Variants in NEO1 observed in about 807,000 individuals in gnomAD.
NEO1 encodes neogenin.
A neutral mutation model predicts 159.7 loss-of-function variants in NEO1; 63 were observed. The ratio of observed to expected loss-of-function variants is 0.39; its 90% CI spans 0.32 to 0.49. NEO1 has a LOEUF of 0.49. Among genes scored for constraint, NEO1 ranks in the 20% least tolerant of loss-of-function variants. The pLI is 0.85. For synonymous variants in NEO1, 633 were observed against 662.0 expected (o/e 0.96, Z 0.67); for missense variants, 1,615 against 1,831.0 (o/e 0.88, Z 2.15).
At chr15:73,154,843 A>C (rs1027437484) in intron 5 of NEO1, among the ~76,000 whole-genome samples, 2 of 152,194 alleles carry the variant, frequency 1.3e-5, no homozygotes, top group African/African-American at 4.8e-5. Context: ...ATTTACGTTC[A>C]GCATTAACAT....
chr15:73,081,493 A>G (rs904192090), intron 1 of NEO1, among the ~76,000 whole-genome samples: 1 of 152,250 alleles, frequency 6.6e-6, no homozygotes, highest in Non-Finnish European at 1.5e-5. Context: ...TAATTGGACT[A>G]ACTTATCAGG....
At chr15:73,101,698 C>T (rs960505374) in intron 1 of NEO1, among the ~76,000 whole-genome samples, 8 of 152,130 alleles carry the variant, frequency 5.3e-5, no homozygotes, top group East Asian at 1.9e-4. Context: ...ATTGTCTCAT[C>T]GATTTTGTCC....
chr15:73,060,557 C>T lies in NEO1; in HGVS notation c.130+7752C>T, dbSNP rs1359119302. 9.2e-5 allele frequency among the ~76,000 whole-genome samples: 14 copies of T among 152,180 alleles called. No homozygotes were observed. The East Asian group carries it at 9.7e-4, about 11-fold the overall frequency. ...TGTTGGGATTACAGACGTGAGCCAC[C>T]GCTGCACCCAGGCAACTAGTTGTTT... On this transcript the variant is annotated intron_variant, in intron 1 of 28. Coordinates refer to ENST00000261908, the MANE Select transcript of NEO1 (RefSeq NM_002499.4).
intron 7 of NEO1, among the ~76,000 whole-genome samples, chr15:73,233,721 A>G (rs948519957): frequency 5.9e-5 from 9 of 152,112 alleles, no homozygotes; most frequent in Admixed American, 3.3e-4. Flanking sequence ...TGATTCTGTT[A>G]TCACTCATTA....
chr15:73,104,907 A>G (rs1370528134), intron 1 of NEO1, among the ~76,000 whole-genome samples: 1 of 152,128 alleles, frequency 6.6e-6, no homozygotes, highest in Non-Finnish European at 1.5e-5. Flanking sequence ...AGCAAGGGGA[A>G]ATGCGCCCCA....
chr15:73,275,526 G>A (rs1356733560), intron 21 of NEO1, among the ~76,000 whole-genome samples: 2 of 151,890 alleles, frequency 1.3e-5, no homozygotes, highest in African/African-American at 4.8e-5. Context: ...ATGGTGGTGC[G>A]CACCTATAAT....
At chr15:73,090,117 T>C (rs2069600114) in intron 1 of NEO1, among the ~76,000 whole-genome samples, 1 of 152,220 alleles carries the variant, frequency 6.6e-6, no homozygotes, top group South Asian at 2.1e-4. Context: ...TAGGAATTGA[T>C]ATAGAAATAT....
At chr15:73,223,517 C>T (rs2038406016) in intron 7 of NEO1, among the ~76,000 whole-genome samples, 1 of 152,152 alleles carries the variant, frequency 6.6e-6, no homozygotes, top group Non-Finnish European at 1.5e-5. Flanking sequence ...TAGACAAGGC[C>T]TTTTACCATT....
intron 15 of NEO1, 70 bp from the exon 16 acceptor site, chr15:73,266,246 G>T: frequency 1.7e-6 from 2 of 1,191,344 alleles, no homozygotes; most frequent in Non-Finnish European, 2.4e-6. Context: ...TTAAGATTAT[G>T]CACAGCCACC....
In NEO1 at chr15:73,254,818, A is replaced by G. The variant is rs1040827394; in HGVS notation, c.2081A>G (p.Gln694Arg). 3 of 1,612,424 alleles carry G rather than the reference A, an allele frequency of 1.9e-6. No homozygotes were observed. In the African/African-American group the frequency reaches 4.0e-5, roughly 22 times the overall value. The change falls in exon 13 of 29, where the codon CAG (glutamine) becomes CGG (arginine). Residue 694 changes from glutamine to arginine, a missense_variant. Transcript: ENST00000261908. Reference sequence around the variant, plus strand: ...TTGGTAAGCGGGACACAGCTGTCTCAGCTGATTGAAGGTAAGCTACCGTGC... The same window carrying G: ...TTGGTAAGCGGGACACAGCTGTCTCGGCTGATTGAAGGTAAGCTACCGTGC... ...ETLVSGTQLS[Q>R]LIEGLDRGTE... is the part of the protein sequence containing the mutation.
At chr15:73,087,043 C>T (rs2069406274) in intron 1 of NEO1, among the ~76,000 whole-genome samples, 1 of 152,056 alleles carries the variant, frequency 6.6e-6, no homozygotes, top group African/African-American at 2.4e-5. Flanking sequence ...TTCAGTACAG[C>T]AAAAAATGGT....
At chr15:73,154,089 A>G (rs1439285210) in intron 5 of NEO1, among the ~76,000 whole-genome samples, 2 of 152,202 alleles carry the variant, frequency 1.3e-5, no homozygotes, top group Non-Finnish European at 2.9e-5. Flanking sequence ...AAGTATTTTC[A>G]CATATATTAG....
rs112246871 is a variant in NEO1, at chr15:73,154,734, T to A, written c.1015+18707T>A. 4.5e-3 allele frequency among the ~76,000 whole-genome samples: 690 copies of A among 152,360 alleles called. 3 individuals are homozygous for A. Among genetic ancestry groups the A allele is most frequent in the Non-Finnish European group, 7.3e-3 (494 of 68,040 alleles). ...TCCACCCTTTTACTTTCAGTCTATG[T>A]GTCTTTACAGGTGAGTTTATTGCAA... On this transcript the variant is annotated intron_variant, in intron 5 of 28. Transcript: ENST00000261908.
chr15:73,152,830 G>A (rs917583577), intron 5 of NEO1, among the ~76,000 whole-genome samples: 7 of 152,124 alleles, frequency 4.6e-5, no homozygotes, highest in Admixed American at 6.5e-5. Flanking sequence ...TCACAGAAGC[G>A]TTCTTCTGTG....
chr15:73,225,390 A>G (rs2038523074), intron 7 of NEO1, among the ~76,000 whole-genome samples: 1 of 152,094 alleles, frequency 6.6e-6, no homozygotes, highest in African/African-American at 2.4e-5. Context: ...CCTTGTCTTC[A>G]GCTACCAGAG....
intron 7 of NEO1, among the ~76,000 whole-genome samples, chr15:73,232,377 C>T (rs1180165581): frequency 2.0e-5 from 3 of 152,158 alleles, no homozygotes; most frequent in Non-Finnish European, 4.4e-5. Flanking sequence ...TAGTGCTGAA[C>T]CAAAGATTAG....
intron 13 of NEO1, among the ~76,000 whole-genome samples, chr15:73,257,440 AC>A (rs2040423245): frequency 6.6e-6 from 1 of 152,172 alleles, no homozygotes; most frequent in Non-Finnish European, 1.5e-5. Flanking sequence ...ATTTCATTGA[AC>A]TTTTGTTGGC....
At chr15:73,263,121 T>C (rs2040702440) in intron 15 of NEO1, among the ~76,000 whole-genome samples, 1 of 152,172 alleles carries the variant, frequency 6.6e-6, no homozygotes, top group Admixed American at 6.6e-5. Flanking sequence ...GTATATATAT[T>C]TGTCAAAACT....
At chr15:73,068,585 G>C (rs531314985) in intron 1 of NEO1, among the ~76,000 whole-genome samples, 3 of 152,150 alleles carry the variant, frequency 2.0e-5, no homozygotes, top group African/African-American at 7.2e-5. Flanking sequence ...TTTCTTGGAG[G>C]TATCATGGGT....
Sources: gnomAD v4.1 joint callset for allele counts (sites outside exome capture counted in the v4.1 genomes callset) on GRCh38, gnomAD v4.1.1 for gene constraint, MANE v1.5 for transcripts, NCBI Gene and HGNC (gene_info 2026-07-23, HGNC 2026-07-21) for gene names.